The following SPTLC3 variants were observed in gnomAD, a reference collection of about 807,000 sequenced individuals.
SPTLC3 encodes the protein serine palmitoyltransferase long chain base subunit 3, also known as serine palmitoyltransferase 3.
Under a neutral mutation model 59.3 loss-of-function variants are expected in SPTLC3, and 36 were observed. The ratio of observed to expected loss-of-function variants is 0.61; its 90% CI spans 0.47 to 0.80. SPTLC3 has a LOEUF of 0.80. Ranked by LOEUF, SPTLC3 falls within the 30% of genes least tolerant of loss-of-function variation. The pLI, the probability that SPTLC3 is intolerant of heterozygous loss-of-function variation, is 0.00. For missense variants in SPTLC3, 625 were observed against 685.1 expected (o/e 0.91, Z 0.98); for synonymous variants, 257 against 240.8 (o/e 1.07, Z -0.62).
intron 2 of SPTLC3, among the ~76,000 whole-genome samples, chr20:13,067,400 T>C (rs919242811): frequency 1.3e-5 from 2 of 152,110 alleles, no homozygotes; most frequent in Non-Finnish European, 2.9e-5. Context: ...TCCATGCCAG[T>C]CTTCTCTGCA....
intron 2 of SPTLC3, among the ~76,000 whole-genome samples, chr20:13,055,328 AGAGCTGACAATGTAACT>A (rs1298904907): frequency 5.3e-5 from 8 of 152,118 alleles, no homozygotes; most frequent in African/African-American, 1.9e-4. Context: ...TGGTCCTAGT[AGAGCTGACAATGTAACT>A]GGGAAAATGG....
chr20:13,071,696 G>A (rs1988441322), intron 2 of SPTLC3, among the ~76,000 whole-genome samples: 1 of 152,102 alleles, frequency 6.6e-6, no homozygotes, highest in Non-Finnish European at 1.5e-5. Context: ...AGATCCCTTT[G>A]GTCATGGATT....
intron 8 of SPTLC3, among the ~76,000 whole-genome samples, chr20:13,121,379 A>G (rs6109718): frequency 0.76 from 115,752 of 152,122 alleles, 45,158 homozygotes; most frequent in African/African-American, 0.94. Flanking sequence ...TGCCCTGCAC[A>G]CTAGGCCCTG....
intron 5 of SPTLC3, among the ~76,000 whole-genome samples, chr20:13,092,929 TC>T (rs1177237914): frequency 2.6e-4 from 39 of 152,290 alleles, no homozygotes; most frequent in Non-Finnish European, 5.9e-5. Flanking sequence ...GCTGACTTTA[TC>T]CACATACCTC....
At chr20:13,066,909 C>T (rs243878) in intron 2 of SPTLC3, among the ~76,000 whole-genome samples, 61,610 of 150,280 alleles carry the variant, frequency 0.41, 12,722 homozygotes, top group Middle Eastern at 0.56. Flanking sequence ...TTTTCACTGT[C>T]TTATGAAAAA....
intron 10 of SPTLC3, among the ~76,000 whole-genome samples, chr20:13,155,768 G>A (rs554786812): frequency 6.6e-6 from 1 of 152,258 alleles, no homozygotes; most frequent in East Asian, 1.9e-4. Context: ...GGAGCTTGCA[G>A]TGAGCCGAGA....
chr20:13,081,311 G>A (rs1028007323), intron 4 of SPTLC3, among the ~76,000 whole-genome samples: 1 of 152,194 alleles, frequency 6.6e-6, no homozygotes, highest in African/African-American at 2.4e-5. Context: ...ACTATAGGAT[G>A]CCCAGCATAT....
intron 1 of SPTLC3, among the ~76,000 whole-genome samples, chr20:13,018,184 G>A (rs1985639802): frequency 6.6e-6 from 1 of 152,114 alleles, no homozygotes; most frequent in Admixed American, 6.5e-5. Flanking sequence ...ATAAATAATT[G>A]CTGTTTTAAG....
chr20:13,125,213 C>A (rs2037960820), intron 8 of SPTLC3, among the ~76,000 whole-genome samples: 1 of 152,162 alleles, frequency 6.6e-6, no homozygotes, highest in African/African-American at 2.4e-5. Context: ...GGGCTTTCAG[C>A]AAGCTTACTT....
chr20:13,102,289 T>C (rs75579575), intron 6 of SPTLC3, among the ~76,000 whole-genome samples: 68,526 of 151,798 alleles, frequency 0.45, 18,496 homozygotes, highest in African/African-American at 0.78. Flanking sequence ...TAATGATAAT[T>C]AAAAGGTATT....
At chr20:13,052,798 C>T (rs778591722) in intron 2 of SPTLC3, among the ~76,000 whole-genome samples, 1 of 152,144 alleles carries the variant, frequency 6.6e-6, no homozygotes, top group African/African-American at 2.4e-5. Flanking sequence ...AGGTGGAGTA[C>T]ACCACAGCTC....
At chr20:13,126,507 G>T (rs2037993773) in intron 8 of SPTLC3, 84 bp from the exon 9 acceptor site, 5 of 1,517,694 alleles carry the variant, frequency 3.3e-6, no homozygotes, top group Admixed American at 1.9e-5. Flanking sequence ...TTGCTATGAG[G>T]ATAGGGATGG....
intron 6 of SPTLC3, among the ~76,000 whole-genome samples, chr20:13,097,567 G>A (rs1989463443): frequency 6.6e-6 from 1 of 152,016 alleles, no homozygotes; most frequent in Non-Finnish European, 1.5e-5. Flanking sequence ...TTTTTGTGTT[G>A]TTTTGTTTTG....
intron 8 of SPTLC3, among the ~76,000 whole-genome samples, chr20:13,126,383 G>C (rs1451241240): frequency 6.6e-6 from 1 of 152,156 alleles, no homozygotes; most frequent in Non-Finnish European, 1.5e-5. Context: ...CTTTGCTGTA[G>C]ATTCTAGGTT....
intron 2 of SPTLC3, among the ~76,000 whole-genome samples, chr20:13,065,667 T>G (rs6041830): frequency 0.41 from 61,970 of 151,628 alleles, 12,765 homozygotes; most frequent in Middle Eastern, 0.57. Context: ...TTTTTTACAT[T>G]CATATCTTCT....
chr20:13,048,907 G>A, intron 1 of SPTLC3, 38 bp from the exon 2 acceptor site: 1 of 1,514,458 alleles, frequency 6.6e-7, no homozygotes, highest in Admixed American at 2.3e-5. Context: ...ATCTGTAACA[G>A]GAGAATGCTA....
At chr20:13,153,378 G>A (rs1476693214) in intron 9 of SPTLC3, among the ~76,000 whole-genome samples, 2 of 152,108 alleles carry the variant, frequency 1.3e-5, no homozygotes, top group Admixed American at 1.3e-4. Context: ...CTGGGCCAAT[G>A]TTGTCCTTTT....
chr20:13,025,720 G>T (rs1046008000), intron 1 of SPTLC3, among the ~76,000 whole-genome samples: 1 of 152,102 alleles, frequency 6.6e-6, no homozygotes, highest in Non-Finnish European at 1.5e-5. Flanking sequence ...TTGACCTGCA[G>T]AAACCTTTTT....
chr20:13,091,065 A>T lies in SPTLC3; in HGVS notation c.608-18A>T. 2.5e-6 allele frequency: 4 copies of T among 1,612,590 alleles called. No homozygotes were observed. Among genetic ancestry groups the T allele is most frequent in the Non-Finnish European group, 3.4e-6 (4 of 1,179,118 alleles). ...GTTGAAAAGAGAAGGCTCACTTCTC[A>T]TGTAATTTTATGTGCAGGCACCTTG... On this transcript the variant is annotated intron_variant, in intron 4 of 11. Transcript: ENST00000399002.
Sources: allele counts gnomAD v4.1 joint callset (sites outside exome capture counted in the v4.1 genomes callset), GRCh38; gene constraint gnomAD v4.1.1; transcripts MANE v1.5; gene names NCBI Gene and HGNC (gene_info 2026-07-23, HGNC 2026-07-21).